Variants in SLC12A2 observed in about 807,000 individuals in gnomAD.
The protein encoded by SLC12A2 is Na-K-2Cl cotransporter 1.
In SLC12A2, 67 loss-of-function variants were observed where a neutral mutation model predicts 136.3. The observed-to-expected ratio is 0.49, with a 90% CI of 0.40 to 0.60. The LOEUF (loss-of-function observed/expected upper bound fraction) is 0.60, where lower values mean the gene tolerates loss of function less well. SLC12A2 is among the 20% of genes least tolerant of loss of function. The pLI is 0.00. For synonymous variants in SLC12A2, 619 were observed against 562.9 expected, an observed-to-expected ratio of 1.10 and a Z score of -1.41; for missense variants, 1,322 against 1,534.7, an observed-to-expected ratio of 0.86 and a Z score of 2.32.
Position 128,099,993 on chromosome 5 carries a change from CAT to C in SLC12A2, c.757-12818_757-12817del, listed in dbSNP as rs546466242. On this transcript the variant is annotated intron_variant, in intron 1 of 26. Transcript: ENST00000262461. ...AAATTGTAAGTACATAAACCGGTAA[CAT>C]ATTTATTATTGTTATCAAGTGTTAT... 1.2e-3 allele frequency among the ~76,000 whole-genome samples: 187 copies of C among 152,122 alleles called. 1 individual carries two copies. Among genetic ancestry groups the C allele is most frequent in the Non-Finnish European group, 2.3e-3 (154 of 67,976 alleles).
At chr5:128,109,527 A>G in intron 1 of SLC12A2, 1 of 641,162 alleles carries the variant, frequency 1.6e-6, no homozygotes, top group Non-Finnish European at 2.9e-6. Flanking sequence ...TTCTGGGGAC[A>G]GTTCCAGCAC....
rs550435002 is a variant in SLC12A2 at position 128,167,823 on chromosome 5, G to A, written c.2679G>A (p.Leu893=). 5 of 1,609,028 alleles carry A rather than the reference G, an allele frequency of 3.1e-6. No individual in the cohort carries two copies. Among genetic ancestry groups the A allele is most frequent in the Non-Finnish European group, 4.2e-6 (5 of 1,177,854 alleles). ...TCCTTGGATTTAAGAAAGATTGGTT[G>A]CAAGCAGATATGAGGGATGTGGATA... ...TLVLGFKKDW[L]QADMRDVDMY... Residue 893 remains leucine, a synonymous_variant, in exon 18 of 27, where the codon TTG becomes TTA. Coordinates refer to ENST00000262461, the MANE Select transcript of SLC12A2 (RefSeq NM_001046.3).
At chr5:128,120,472 A>G (rs559909778) in intron 4 of SLC12A2, among the ~76,000 whole-genome samples, 7 of 151,988 alleles carry the variant, frequency 4.6e-5, no homozygotes, top group South Asian at 2.1e-4. Context: ...ATGTCCAACA[A>G]TGATAGACTG....
chr5:128,126,964 A>AATTT lies in SLC12A2; in HGVS notation c.1049-4103_1049-4102insATTT, dbSNP rs1554105182. 4.2e-4 allele frequency among the ~76,000 whole-genome samples: 9 copies of AATTT among 21,684 alleles called. 1 individual carries two copies. Among genetic ancestry groups the AATTT allele is most frequent in the African/African-American group, 1.9e-3 (6 of 3,170 alleles). The allele number at this position is 21,684 out of a possible 152,430, so 14.2% of individuals were successfully genotyped here. Reference sequence around the variant, plus strand: ...TACATATATATATATATATATATATATATTTTTTTTTTTTTTTTTTTTTGC... The same window carrying AATTT: ...TACATATATATATATATATATATATAATTTTATTTTTTTTTTTTTTTTTTTTTGC... On this transcript the variant is annotated intron_variant, in intron 4 of 26. Transcript: ENST00000262461.
At position 128,084,625 on chromosome 5, in the gene SLC12A2, T is replaced by A; in HGVS notation, c.671T>A (p.Ile224Asn). 1 of 1,613,514 alleles carries A rather than the reference T, an allele frequency of 6.2e-7. No homozygotes were observed. Among genetic ancestry groups the A allele is most frequent in the East Asian group, 2.2e-5 (1 of 44,852 alleles). ...AACACCATGGACGCTGTGCCCAGGA[T>A]CGATCACTACCGGCACACAGCCGCG... ...GHNTMDAVPR[I>N]DHYRHTAAQL... is the part of the protein sequence containing the mutation. Residue 224 changes from isoleucine (I) to asparagine (N), a missense_variant, in exon 1 of 27, where the codon ATC (isoleucine) becomes AAC (asparagine). Transcript: ENST00000262461. The surrounding 1 kb of genome is among the most constrained non-coding windows in gnomAD (Gnocchi z 5.6).
At position 128,189,068 on chromosome 5, in the gene SLC12A2, G is replaced by C. The variant is rs920399138; in HGVS notation, c.*2437G>C. 1.3e-5 allele frequency: 2 copies of C among 152,206 alleles called. No homozygotes were observed. Among genetic ancestry groups the C allele is most frequent in the Admixed American group, 6.6e-5 (1 of 15,236 alleles). 9.4% of individuals were successfully genotyped at this position (152,206 alleles called of 1,614,324 possible). ...TTCATAATGTGGGGTGGGTAATACT[G>C]TCTGTGAAATAATGTAAGAAGCTTT... On this transcript the variant is annotated 3_prime_UTR_variant, in exon 27 of 27. Coordinates refer to ENST00000262461, the MANE Select transcript of SLC12A2 (RefSeq NM_001046.3).
chr5:128,153,392 T>G (rs1352818597), intron 15 of SLC12A2, among the ~76,000 whole-genome samples: 2 of 152,074 alleles, frequency 1.3e-5, no homozygotes, highest in Non-Finnish European at 2.9e-5. Context: ...TTGTCTCTAC[T>G]AAAAATACAA....
At chr5:128,106,061 C>G (rs1334666626) in intron 1 of SLC12A2, among the ~76,000 whole-genome samples, 3 of 152,028 alleles carry the variant, frequency 2.0e-5, no homozygotes, top group Non-Finnish European at 2.9e-5. Context: ...CTTTTTTTCT[C>G]TGTCCTACCA....
chr5:128,176,028 C>T (rs1763531597), intron 20 of SLC12A2, among the ~76,000 whole-genome samples: 1 of 151,466 alleles, frequency 6.6e-6, no homozygotes, highest in Admixed American at 6.6e-5. Context: ...AGTGTAGATA[C>T]TATAGAAACG....
In SLC12A2 at chr5:128,162,004, A is replaced by G. The variant is rs114794259; in HGVS notation, c.2616+204A>G. On this transcript the variant is annotated intron_variant, in intron 17 of 26. Coordinates refer to ENST00000262461, the MANE Select transcript of SLC12A2 (RefSeq NM_001046.3). ...CTGAAAGTAAACTACTTGGATTTGT[A>G]TAATTCAGAATTAAAGGGACAGTAG... 7.6e-3 allele frequency among the ~76,000 whole-genome samples: 1,158 copies of G among 152,308 alleles called. 16 individuals carry two copies. The highest frequency in any genetic ancestry group is 0.026 in the African/African-American group (1,084 of 41,566).
chr5:128,110,881 A>G, intron 1 of SLC12A2: 3 of 1,262,140 alleles, frequency 2.4e-6, no homozygotes, highest in Non-Finnish European at 2.3e-6. Context: ...GGAATATGCC[A>G]ATTTACAAGT....
chr5:128,174,713 T>A lies in SLC12A2; in HGVS notation c.2929+47T>A, dbSNP rs1467850828. ...AGTCTTATTAATAGTAATGTTTTAA[T>A]TTGGGAGAAATATTTTTAATTATAT... On this transcript the variant is annotated intron_variant, in intron 20 of 26. Transcript: ENST00000262461. The A allele has an allele frequency of 6.5e-6, 9 of 1,393,584 alleles. No individual in the cohort carries two copies. The Admixed American group carries it at 2.0e-4, about 32-fold the overall frequency. The allele number at this position is 1,393,584 out of a possible 1,614,324, so 86.3% of individuals were successfully genotyped here.
At chr5:128,173,269 T>G (rs948539127) in intron 19 of SLC12A2, among the ~76,000 whole-genome samples, 1 of 152,196 alleles carries the variant, frequency 6.6e-6, no homozygotes. Context: ...CTGGAGTAGG[T>G]TTGGCAAAAT....
chr5:128,092,733 A>G (rs554768774), intron 1 of SLC12A2, among the ~76,000 whole-genome samples: 3 of 152,280 alleles, frequency 2.0e-5, no homozygotes, highest in African/African-American at 7.2e-5. Context: ...AAACATTTCA[A>G]TGGTGTTGAA....
At chr5:128,091,444 A>G (rs1561650935) in intron 1 of SLC12A2, among the ~76,000 whole-genome samples, 1 of 152,228 alleles carries the variant, frequency 6.6e-6, no homozygotes, top group Non-Finnish European at 1.5e-5. Flanking sequence ...CTCTTCAGGT[A>G]AAACCATGAA....
In SLC12A2 at chr5:128,134,206, A is replaced by C. The variant is rs1255246147; in HGVS notation, c.1230A>C (p.Arg410=). Residue 410 remains arginine (R), a synonymous_variant, in exon 6 of 27, where the codon CGA becomes CGC. Transcript: ENST00000262461. ...TGATAGATGAAATCAATGATATCCG[A>C]ATTATTGGAGCCATTACAGTCGTGA... ...ILMIDEINDI[R]IIGAITVVIL... 6.2e-7 allele frequency: 1 copy of C among 1,606,810 alleles called. No homozygotes were observed. The highest frequency in any genetic ancestry group is 1.7e-5 in the Admixed American group (1 of 59,986).
chr5:128,157,023 T>C (rs1054956971), intron 15 of SLC12A2, among the ~76,000 whole-genome samples: 2 of 152,138 alleles, frequency 1.3e-5, no homozygotes, highest in Non-Finnish European at 2.9e-5. Context: ...TCAAAGCAAC[T>C]CTCCCAGACA....
rs559541185 is a variant in SLC12A2 at position 128,188,967 on chromosome 5, T to C, written c.*2336T>C. 1 of 151,618 alleles carries C rather than the reference T, an allele frequency of 6.6e-6. No homozygotes were observed. The highest frequency in any genetic ancestry group is 6.6e-5 in the Admixed American group (1 of 15,168). 9.4% of individuals were successfully genotyped at this position (151,618 alleles called of 1,614,324 possible). A position where few individuals can be genotyped will look rare whatever the true frequency, so the allele number is the denominator to read the frequency against. Reference sequence around the variant, plus strand: ...GTTTTTCCCATTCAGGAAAACAACATTGTGATCTGTACTACAGGAACCAAA... The same window carrying C: ...GTTTTTCCCATTCAGGAAAACAACACTGTGATCTGTACTACAGGAACCAAA... On this transcript the variant is annotated 3_prime_UTR_variant, in exon 27 of 27. Transcript: ENST00000262461.
At chr5:128,098,495 GTTT>G in intron 1 of SLC12A2, among the ~76,000 whole-genome samples, 1 of 145,834 alleles carries the variant, frequency 6.9e-6, no homozygotes, top group South Asian at 2.2e-4. Flanking sequence ...TGTTTTTTTT[GTTT>G]TTTTTTCTTG....
Sources: allele counts gnomAD v4.1 joint callset (sites outside exome capture counted in the v4.1 genomes callset), GRCh38; gene constraint gnomAD v4.1.1; non-coding constraint Gnocchi (gnomAD v3.1); transcripts MANE v1.5; gene names NCBI Gene and HGNC (gene_info 2026-07-23, HGNC 2026-07-21).